PPP1R21: variants seen among roughly 807,000 people sequenced by gnomAD.
The protein encoded by PPP1R21 is protein phosphatase 1 regulatory subunit 21.
In PPP1R21, 85 loss-of-function variants were observed where a neutral mutation model predicts 112.8. The ratio of observed to expected loss-of-function variants is 0.75; its 90% CI spans 0.63 to 0.90. PPP1R21 has a LOEUF of 0.90. Among genes scored for constraint, PPP1R21 ranks in the 40% least tolerant of loss-of-function variants. PPP1R21 has a pLI of 0.00. For synonymous variants in PPP1R21, 381 were observed against 322.3 expected, an observed-to-expected ratio of 1.18 and a Z score of -1.95; for missense variants, 1,199 against 901.5, an observed-to-expected ratio of 1.33 and a Z score of -4.23.
chr2:48,482,786 A>G (rs773929910), intron 13 of PPP1R21, among the ~76,000 whole-genome samples: 1 of 151,584 alleles, frequency 6.6e-6, no homozygotes, highest in African/African-American at 2.4e-5. Context: ...TTTCCCCTCA[A>G]CTTTTAAGTT....
chr2:48,496,793 C>T (rs186528537), intron 16 of PPP1R21, among the ~76,000 whole-genome samples: 1 of 152,334 alleles, frequency 6.6e-6, no homozygotes, highest in East Asian at 1.9e-4. Flanking sequence ...GGTCCAGTCA[C>T]ATTTCTTCAT....
chr2:48,512,423 G>A (rs1670686236), intron 21 of PPP1R21, among the ~76,000 whole-genome samples: 1 of 147,432 alleles, frequency 6.8e-6, no homozygotes, highest in Non-Finnish European at 1.5e-5. Context: ...CATCAGCTGG[G>A]ATTTACCATC....
intron 1 of PPP1R21, chr2:48,441,487 G>C (rs1350863611): frequency 5.1e-6 from 1 of 197,786 alleles, no homozygotes; most frequent in Non-Finnish European, 1.1e-5. Context: ...AGAGACATTC[G>C]GGTAAACTGC....
intron 17 of PPP1R21, among the ~76,000 whole-genome samples, chr2:48,500,579 A>G (rs1336323873): frequency 6.6e-6 from 1 of 152,162 alleles, no homozygotes; most frequent in African/African-American, 2.4e-5. Flanking sequence ...AACAACAACA[A>G]CAATTAAAAT....
At position 48,460,160 on chromosome 2, in the gene PPP1R21, G is replaced by A. The variant is rs750111050; in HGVS notation, c.599+7G>A. On this transcript the variant is annotated splice_region_variant and intron_variant, in intron 6 of 21. Coordinates refer to ENST00000294952, the MANE Select transcript of PPP1R21 (RefSeq NM_001135629.3). The stretch of plus-strand genomic sequence containing the variant: ...GACTTCGAACGGAAGAATGGTATGT[G>A]GAAACTTGAATTCCAAGAGGGTTCT... 1.9e-6 allele frequency: 3 copies of A among 1,614,024 alleles called. No individual in the cohort carries two copies. In the Admixed American group the frequency reaches 5.0e-5, roughly 27 times the overall value.
chr2:48,508,531 T>C (rs1042973707), intron 19 of PPP1R21, among the ~76,000 whole-genome samples: 7 of 152,150 alleles, frequency 4.6e-5, no homozygotes, highest in Admixed American at 4.6e-4. Flanking sequence ...TAGTGACAGC[T>C]TGTTGGAATG....
intron 4 of PPP1R21, among the ~76,000 whole-genome samples, chr2:48,458,685 A>G (rs1204791753): frequency 6.6e-6 from 1 of 150,612 alleles, no homozygotes; most frequent in Non-Finnish European, 1.5e-5. Context: ...GGTATGAACC[A>G]TGTATGTTTC....
chr2:48,485,577 A>G (rs932289341), intron 13 of PPP1R21, among the ~76,000 whole-genome samples: 4 of 152,042 alleles, frequency 2.6e-5, no homozygotes, highest in Non-Finnish European at 5.9e-5. Context: ...ACAAGTGTAT[A>G]TAAATATAGG....
At chr2:48,468,052 A>C (rs1228912051) in intron 9 of PPP1R21, among the ~76,000 whole-genome samples, 1 of 152,110 alleles carries the variant, frequency 6.6e-6, no homozygotes, top group African/African-American at 2.4e-5. Context: ...AAAGACTTGG[A>C]CTCAGGAGTT....
intron 5 of PPP1R21, 44 bp from the exon 6 acceptor site, chr2:48,460,051 T>C: frequency 6.2e-7 from 1 of 1,611,148 alleles, no homozygotes; most frequent in Non-Finnish European, 8.5e-7. Context: ...CTCCTATCTG[T>C]CGTAGCCTGA....
chr2:48,492,880 A>G (rs1340228211), intron 15 of PPP1R21, among the ~76,000 whole-genome samples: 1 of 152,190 alleles, frequency 6.6e-6, no homozygotes, highest in African/African-American at 2.4e-5. Flanking sequence ...TTTAATATTT[A>G]TCAATCTCAG....
At chr2:48,455,004 A>G (rs1481138485) in intron 3 of PPP1R21, among the ~76,000 whole-genome samples, 1 of 151,852 alleles carries the variant, frequency 6.6e-6, no homozygotes, top group Non-Finnish European at 1.5e-5. Context: ...TGCCTGGCTA[A>G]TTTTTGTATT....
intron 1 of PPP1R21, 50 bp from the exon 2 acceptor site, chr2:48,450,958 T>A (rs181729904): frequency 4.0e-6 from 6 of 1,487,868 alleles, no homozygotes; most frequent in African/African-American, 2.8e-5. Context: ...TTCCTTGATA[T>A]AACCAATTGC....
chr2:48,509,972 G>A, intron 19 of PPP1R21, 43 bp from the exon 20 acceptor site: 1 of 1,489,422 alleles, frequency 6.7e-7, no homozygotes, highest in Non-Finnish European at 9.1e-7. Flanking sequence ...TTTGGTTTTA[G>A]AAAGTGCTCC....
intron 2 of PPP1R21, among the ~76,000 whole-genome samples, chr2:48,453,902 G>GTA (rs1406314958): frequency 6.6e-6 from 1 of 152,102 alleles, no homozygotes; most frequent in Admixed American, 6.6e-5. Context: ...TGGAATACAA[G>GTA]TATATTTCTT....
At chr2:48,494,260 A>G (rs1669706982) in intron 15 of PPP1R21, among the ~76,000 whole-genome samples, 1 of 127,704 alleles carries the variant, frequency 7.8e-6, no homozygotes. Flanking sequence ...AAAAAAAAAA[A>G]AAAAAAAAAA....
chr2:48,498,610 C>G lies in PPP1R21; in HGVS notation c.1810C>G (p.Leu604Val), dbSNP rs540800186. Residue 604 changes from leucine to valine, a missense_variant, in exon 17 of 22, where the codon CTG (leucine) becomes GTG (valine). Transcript: ENST00000294952. Reference protein sequence around the residue: ...EKENQRIADKLKNTGSAQLVG... With the variant: ...EKENQRIADKVKNTGSAQLVG... ...AGAAAACCAGCGAATTGCAGATAAG[C>G]TGAAGAATACAGGTAGTGCCCAGCT... The G allele has an allele frequency of 3.1e-6, 5 of 1,614,208 alleles. No homozygotes were observed. The South Asian group carries it at 4.4e-5, about 14-fold the overall frequency.
chr2:48,494,423 A>G (rs1029402023), intron 15 of PPP1R21, among the ~76,000 whole-genome samples: 3 of 151,052 alleles, frequency 2.0e-5, no homozygotes, highest in Non-Finnish European at 4.4e-5. Context: ...TTATTTATTT[A>G]TTTATTTATT....
rs536877857 is a variant in PPP1R21, at chr2:48,455,959, G to C, written c.273+1218G>C. Among the ~76,000 whole-genome samples the C allele has an allele frequency of 2.0e-5, 3 of 148,644 alleles. No homozygotes were observed. The South Asian group carries it at 6.4e-4, about 31-fold the overall frequency. ...GAACCTGGGAGGCAGAGTTTGCAGCGAGCCGAGATCAGGCCACTGCGCTCC... is the reference window on the plus strand; with the variant it reads ...GAACCTGGGAGGCAGAGTTTGCAGCCAGCCGAGATCAGGCCACTGCGCTCC... On this transcript the variant is annotated intron_variant, in intron 3 of 21. Coordinates refer to ENST00000294952, the MANE Select transcript of PPP1R21 (RefSeq NM_001135629.3).
Sources: allele counts gnomAD v4.1 joint callset (sites outside exome capture counted in the v4.1 genomes callset), GRCh38; gene constraint gnomAD v4.1.1; transcripts MANE v1.5; gene names NCBI Gene and HGNC (gene_info 2026-07-23, HGNC 2026-07-21).